Variants in FAM13A observed in about 807,000 individuals in gnomAD.
FAM13A encodes protein FAM13A.
FAM13A carries 76 observed loss-of-function variants against 129.6 expected under a neutral mutation model. The ratio of observed to expected loss-of-function variants is 0.59; its 90% CI spans 0.49 to 0.71. The LOEUF (loss-of-function observed/expected upper bound fraction) is 0.71, where lower values mean the gene tolerates loss of function less well. Ranked by LOEUF, FAM13A falls within the 30% of genes least tolerant of loss-of-function variation. FAM13A has a pLI of 0.00. For missense variants in FAM13A, 1,108 were observed against 1,249.3 expected (o/e 0.89, Z 1.70); for synonymous variants, 443 against 449.9 (o/e 0.98, Z 0.20).
intron 11 of FAM13A, chr4:88,768,529 T>C (rs77135481): frequency 0.074 from 11,433 of 154,666 alleles, 492 homozygotes; most frequent in African/African-American, 0.099. Context: ...TCAGTGTACA[T>C]TGATAAGATT....
intron 19 of FAM13A, 74 bp downstream of exon 19, chr4:88,746,858 A>G (rs1741450696): frequency 1.0e-6 from 1 of 990,624 alleles, no homozygotes. Context: ...CCATTTGTAA[A>G]ATACTGAACA....
chr4:88,841,505 A>AG (rs1383194852), intron 7 of FAM13A, among the ~76,000 whole-genome samples: 3 of 149,818 alleles, frequency 2.0e-5, no homozygotes, highest in Non-Finnish European at 4.4e-5. Context: ...AAAAAAAAAA[A>AG]AAAAAAAAAA....
At chr4:88,959,314 A>G (rs1758258509) in intron 4 of FAM13A, among the ~76,000 whole-genome samples, 1 of 152,288 alleles carries the variant, frequency 6.6e-6, no homozygotes, top group South Asian at 2.1e-4. Flanking sequence ...TCATATTGAA[A>G]TGTAATCTCC....
chr4:88,980,300 T>A (rs1411643631), intron 4 of FAM13A, among the ~76,000 whole-genome samples: 2 of 152,218 alleles, frequency 1.3e-5, no homozygotes, highest in African/African-American at 4.8e-5. Flanking sequence ...TAATGGATGT[T>A]TTTTATCTTT....
chr4:89,025,267 T>A (rs1440528391), intron 2 of FAM13A, among the ~76,000 whole-genome samples: 30 of 90,992 alleles, frequency 3.3e-4, no homozygotes, highest in African/African-American at 1.3e-3. Flanking sequence ...TTTTTTTTTT[T>A]TTTTTTTTGA....
At chr4:89,053,713 C>T (rs1424217616) in intron 1 of FAM13A, among the ~76,000 whole-genome samples, 1 of 152,076 alleles carries the variant, frequency 6.6e-6, no homozygotes, top group African/African-American at 2.4e-5. Flanking sequence ...ACCAAGAGAA[C>T]CAATTCACAA....
chr4:88,984,185 ACT>A (rs1761964392), intron 4 of FAM13A, among the ~76,000 whole-genome samples: 1 of 152,182 alleles, frequency 6.6e-6, no homozygotes, highest in Non-Finnish European at 1.5e-5. Flanking sequence ...AACAGTCATA[ACT>A]AAAAAACTCT....
At chr4:88,958,656 C>T (rs1000633004) in intron 4 of FAM13A, among the ~76,000 whole-genome samples, 2 of 152,226 alleles carry the variant, frequency 1.3e-5, no homozygotes, top group South Asian at 2.1e-4. Context: ...GGGTTGAGCC[C>T]TCAGAGAGAA....
intron 4 of FAM13A, among the ~76,000 whole-genome samples, chr4:88,962,964 GT>G (rs1413035185): frequency 1.2e-4 from 4 of 34,362 alleles, no homozygotes; most frequent in South Asian, 6.7e-4. Context: ...TTTCCTATAT[GT>G]AAAAATGCAT....
chr4:88,951,597 C>A (rs1365829920), intron 4 of FAM13A, among the ~76,000 whole-genome samples: 3 of 151,960 alleles, frequency 2.0e-5, no homozygotes, highest in Non-Finnish European at 4.4e-5. Context: ...TTATTTTCTC[C>A]CCTGCACTTT....
chr4:88,999,448 C>A (rs1425170084), intron 3 of FAM13A, among the ~76,000 whole-genome samples: 1 of 152,168 alleles, frequency 6.6e-6, no homozygotes. Context: ...GAGAGCCTCA[C>A]ACAATGTAAA....
At chr4:88,984,051 G>A (rs1311524583) in intron 4 of FAM13A, among the ~76,000 whole-genome samples, 1 of 152,058 alleles carries the variant, frequency 6.6e-6, no homozygotes, top group Non-Finnish European at 1.5e-5. Context: ...AATTCAATGG[G>A]GAAAAACAAT....
At chr4:88,976,966 T>C (rs2148970624) in intron 4 of FAM13A, among the ~76,000 whole-genome samples, 1 of 152,296 alleles carries the variant, frequency 6.6e-6, no homozygotes, top group South Asian at 2.1e-4. Context: ...AGGTGTGTAG[T>C]AGACTATACC....
chr4:88,909,017 A>G (rs74391072), intron 5 of FAM13A, among the ~76,000 whole-genome samples: 147 of 152,352 alleles, frequency 9.6e-4, no homozygotes, highest in South Asian at 7.9e-3. Flanking sequence ...TTTAAAATAT[A>G]TATTATGCAG....
chr4:89,052,854 T>C (rs1222950736), intron 1 of FAM13A, among the ~76,000 whole-genome samples: 1 of 152,052 alleles, frequency 6.6e-6, no homozygotes, highest in Non-Finnish European at 1.5e-5. Context: ...CTCACATATG[T>C]ACAAAGAACC....
At chr4:88,887,265 G>A (rs1236066347) in intron 6 of FAM13A, among the ~76,000 whole-genome samples, 1 of 152,056 alleles carries the variant, frequency 6.6e-6, no homozygotes, top group Non-Finnish European at 1.5e-5. Context: ...AACACCACCT[G>A]TTCCCCCAAA....
At chr4:88,890,804 C>T (rs1255565714) in intron 6 of FAM13A, among the ~76,000 whole-genome samples, 1 of 151,958 alleles carries the variant, frequency 6.6e-6, no homozygotes, top group Non-Finnish European at 1.5e-5. Context: ...GAGAATACTA[C>T]AAATGAAAAG....
intron 11 of FAM13A, among the ~76,000 whole-genome samples, chr4:88,772,414 T>C (rs929826374): frequency 6.6e-6 from 1 of 152,164 alleles, no homozygotes; most frequent in African/African-American, 2.4e-5. Flanking sequence ...CTACACTTTT[T>C]CCACCGTAAT....
chr4:88,967,293 A>T (rs962597206), intron 4 of FAM13A, among the ~76,000 whole-genome samples: 1 of 152,206 alleles, frequency 6.6e-6, no homozygotes, highest in African/African-American at 2.4e-5. Flanking sequence ...CATTTGGTGC[A>T]CAGTATGGTG....
Sources: gnomAD v4.1 joint callset for allele counts (sites outside exome capture counted in the v4.1 genomes callset) on GRCh38, gnomAD v4.1.1 for gene constraint, MANE v1.5 for transcripts, NCBI Gene and HGNC (gene_info 2026-07-23, HGNC 2026-07-21) for gene names.